The following BTBD10 variants were observed in gnomAD, a reference collection of about 807,000 sequenced individuals.
BTBD10 encodes BTB domain containing 10, also known as BTB/POZ domain-containing protein 10.
In BTBD10, 21 loss-of-function variants were observed where a neutral mutation model predicts 53.2. The ratio of observed to expected loss-of-function variants is 0.39; its 90% CI spans 0.28 to 0.57. The LOEUF is 0.57. BTBD10 is among the 20% of genes least tolerant of loss of function. BTBD10 has a pLI of 0.53. For synonymous variants in BTBD10, 149 were observed against 192.7 expected (o/e 0.77, Z 1.88); for missense variants, 360 against 594.7 (o/e 0.61, Z 4.10).
Position 13,461,534 on chromosome 11 carries a change from T to TATA in BTBD10, c.-58+1557_-58+1558insTAT, listed in dbSNP as rs1951096850. Among the ~76,000 whole-genome samples, 6 of 152,292 alleles carry TATA rather than the reference T, an allele frequency of 3.9e-5. No individual in the cohort carries two copies. In the South Asian group the frequency reaches 1.2e-3, roughly 32 times the overall value. On this transcript the variant is annotated intron_variant, in intron 1 of 8. Coordinates refer to ENST00000278174, the MANE Select transcript of BTBD10 (RefSeq NM_032320.7). ...TTTCCATATCACTTCCATACTTCCC[T>TATA]AAGTCACCTATTATAAAAAGCCAAA...
At chr11:13,419,849 A>C in intron 3 of BTBD10, 104 bp from the exon 4 acceptor site, 1 of 1,155,250 alleles carries the variant, frequency 8.7e-7, no homozygotes, top group Non-Finnish European at 1.2e-6. Context: ...GTTTTAAGTC[A>C]CAGCATTTCT....
At chr11:13,399,053 T>C (rs1044355228) in intron 8 of BTBD10, among the ~76,000 whole-genome samples, 1 of 152,188 alleles carries the variant, frequency 6.6e-6, no homozygotes, top group African/African-American at 2.4e-5. Flanking sequence ...AGGAGTATCT[T>C]TGTGGCGTTC....
At chr11:13,429,206 T>A (rs1273212430) in intron 2 of BTBD10, among the ~76,000 whole-genome samples, 2 of 152,126 alleles carry the variant, frequency 1.3e-5, no homozygotes, top group African/African-American at 2.4e-5. Flanking sequence ...TCTTTACAAG[T>A]CAATTTTCTC....
intron 1 of BTBD10, among the ~76,000 whole-genome samples, chr11:13,461,255 T>G (rs1316467280): frequency 6.6e-6 from 1 of 152,206 alleles, no homozygotes; most frequent in Non-Finnish European, 1.5e-5. Flanking sequence ...TCACATGATA[T>G]TTTTAATGGT....
At chr11:13,461,801 T>C (rs1951104106) in intron 1 of BTBD10, among the ~76,000 whole-genome samples, 1 of 152,228 alleles carries the variant, frequency 6.6e-6, no homozygotes, top group Non-Finnish European at 1.5e-5. Flanking sequence ...CCTTACCACA[T>C]TCCATGCTTC....
At position 13,458,907 on chromosome 11, in the gene BTBD10, A is replaced by G. The variant is rs150861768; in HGVS notation, c.-58+4185T>C. On this transcript the variant is annotated intron_variant, in intron 1 of 8. Coordinates refer to ENST00000278174, the MANE Select transcript of BTBD10 (RefSeq NM_032320.7). ...TTGTATAAAATAAATTGTCTGAATG[A>G]AGTAATTACCTTTGAAACAATCCAG... Among the ~76,000 whole-genome samples the G allele has an allele frequency of 6.8e-3, 1,041 of 152,314 alleles. 17 individuals carry two copies. Among genetic ancestry groups the G allele is most frequent in the African/African-American group, 0.024 (993 of 41,580 alleles).
At chr11:13,444,814 A>C (rs540156352) in intron 2 of BTBD10, among the ~76,000 whole-genome samples, 1 of 152,274 alleles carries the variant, frequency 6.6e-6, no homozygotes, top group South Asian at 2.1e-4. Context: ...CCATCTTTAG[A>C]GACAGAAATA....
chr11:13,433,218 C>G (rs1950483458), intron 2 of BTBD10, among the ~76,000 whole-genome samples: 1 of 152,142 alleles, frequency 6.6e-6, no homozygotes, highest in African/African-American at 2.4e-5. Flanking sequence ...GCCTTAGAAA[C>G]TAAAAATACA....
intron 2 of BTBD10, among the ~76,000 whole-genome samples, chr11:13,425,845 T>C (rs1168941879): frequency 2.0e-5 from 3 of 152,156 alleles, no homozygotes; most frequent in African/African-American, 7.2e-5. Context: ...TACCTCTAAA[T>C]ATGTATAATT....
At chr11:13,413,765 C>T in intron 5 of BTBD10, 115 bp from the exon 6 acceptor site, 1 of 990,406 alleles carries the variant, frequency 1.0e-6, no homozygotes, top group East Asian at 2.8e-5. Flanking sequence ...TCTGACATCT[C>T]TGAAATGTGG....
chr11:13,449,079 T>G (rs1950801919), intron 1 of BTBD10, among the ~76,000 whole-genome samples: 1 of 152,094 alleles, frequency 6.6e-6, no homozygotes, highest in South Asian at 2.1e-4. Context: ...GATGATGCAA[T>G]TATTTCCCCT....
intron 6 of BTBD10, among the ~76,000 whole-genome samples, chr11:13,411,991 C>A (rs1949961068): frequency 6.6e-6 from 1 of 152,094 alleles, no homozygotes; most frequent in African/African-American, 2.4e-5. Flanking sequence ...ACCACCACGC[C>A]TGGCTAATTT....
At chr11:13,425,956 T>C (rs187677342) in intron 2 of BTBD10, among the ~76,000 whole-genome samples, 44 of 152,064 alleles carry the variant, frequency 2.9e-4, no homozygotes, top group Middle Eastern at 3.4e-3. Flanking sequence ...GATTAACAAA[T>C]TTGAAGACAA....
intron 8 of BTBD10, among the ~76,000 whole-genome samples, chr11:13,396,436 T>C (rs1949553406): frequency 2.0e-5 from 3 of 152,370 alleles, no homozygotes; most frequent in South Asian, 2.1e-4. Flanking sequence ...TAAGGAGATT[T>C]TGGGCTGAGA....
chr11:13,401,130 T>TATAGATATAC (rs1744664813), intron 8 of BTBD10, among the ~76,000 whole-genome samples: 1 of 150,042 alleles, frequency 6.7e-6, no homozygotes, highest in African/African-American at 2.4e-5. Context: ...ATCAGATATA[T>TATAGATATAC]ATATATTACA....
chr11:13,417,204 T>A lies in BTBD10; in HGVS notation c.641A>T (p.Tyr214Phe), dbSNP rs1829547471. The A allele has an allele frequency of 6.2e-7, 1 of 1,613,546 alleles. No individual in the cohort carries two copies. The highest frequency in any genetic ancestry group is 1.3e-5 in the African/African-American group (1 of 74,904). ...NFTRPNEKGE[Y>F]EVAEGIGSTV... ...GGAACCAATTCCCTCTGCCACCTCA[T>A]ACTCTCCTTTCTCATTGGGTCGTGT... Residue 214 changes from tyrosine to phenylalanine, a missense_variant, in exon 5 of 9, where the codon TAT becomes TTT. Physicochemically the swap from Tyr to Phe is conservative, Grantham distance 22 (BLOSUM62 3). Coordinates refer to ENST00000278174, the MANE Select transcript of BTBD10 (RefSeq NM_032320.7).
At chr11:13,390,125 C>G (rs917791963) in intron 8 of BTBD10, among the ~76,000 whole-genome samples, 1 of 152,094 alleles carries the variant, frequency 6.6e-6, no homozygotes, top group African/African-American at 2.4e-5. Context: ...AAGGCCACTT[C>G]TCCAAAGATC....
chr11:13,398,448 G>A (rs1338755992), intron 8 of BTBD10, among the ~76,000 whole-genome samples: 1 of 152,144 alleles, frequency 6.6e-6, no homozygotes, highest in East Asian at 1.9e-4. Flanking sequence ...CTGCATGTGA[G>A]ATGGGTCTCC....
chr11:13,452,812 A>G (rs1950888318), intron 1 of BTBD10, among the ~76,000 whole-genome samples: 1 of 152,200 alleles, frequency 6.6e-6, no homozygotes, highest in Non-Finnish European at 1.5e-5. Flanking sequence ...TTAATCTATT[A>G]TTATTTTAAC....
Sources: gnomAD v4.1 joint callset for allele counts (sites outside exome capture counted in the v4.1 genomes callset) on GRCh38, gnomAD v4.1.1 for gene constraint, MANE v1.5 for transcripts, NCBI Gene and HGNC (gene_info 2026-07-23, HGNC 2026-07-21) for gene names.